Variants in SUGCT observed in about 807,000 individuals in gnomAD.
SUGCT encodes the protein succinyl-CoA:glutarate-CoA transferase, also known as succinyl-CoA:glutarate CoA-transferase.
SUGCT carries 41 observed loss-of-function variants against 55.0 expected under a neutral mutation model. The observed-to-expected ratio is 0.74, with a 90% confidence interval of 0.58 to 0.97. The LOEUF (loss-of-function observed/expected upper bound fraction) is 0.97. Among genes scored for constraint, SUGCT ranks in the 50% least tolerant of loss-of-function variants. SUGCT has a pLI of 0.00. For missense variants in SUGCT, 568 were observed against 547.8 expected, an observed-to-expected ratio of 1.04 and a Z score of -0.37; for synonymous variants, 187 against 200.4, an observed-to-expected ratio of 0.93 and a Z score of 0.56.
At chr7:40,922,685 A>G in the SUGCT span, among the ~76,000 whole-genome samples, 8,980 of 152,328 alleles carry the variant, frequency 0.059, 908 homozygotes, top group African/African-American at 0.21. Flanking sequence ...GAGAGGCCAC[A>G]TGAGCTTTGG....
chr7:40,138,406 CT>C (rs1787806904), intron 1 of SUGCT, among the ~76,000 whole-genome samples: 1 of 152,078 alleles, frequency 6.6e-6, no homozygotes, highest in African/African-American at 2.4e-5. Context: ...TTGATGGGCA[CT>C]TAGGTTGATT....
the SUGCT span, among the ~76,000 whole-genome samples, chr7:40,901,204 G>T: frequency 1.3e-3 from 200 of 152,340 alleles, no homozygotes; most frequent in Non-Finnish European, 2.4e-3. Context: ...TGGGAAAGTG[G>T]CCCAGGGATC....
intron 12 of SUGCT, among the ~76,000 whole-genome samples, chr7:40,697,031 C>T (rs1584291687): frequency 6.6e-6 from 1 of 152,086 alleles, no homozygotes; most frequent in East Asian, 1.9e-4. Context: ...CACTGCGGTA[C>T]TTTGTGCATA....
At chr7:40,522,703 C>G (rs1039041405) in intron 12 of SUGCT, among the ~76,000 whole-genome samples, 1 of 151,964 alleles carries the variant, frequency 6.6e-6, no homozygotes, top group Non-Finnish European at 1.5e-5. Flanking sequence ...CTGAGTTCTT[C>G]TTTTTCCTCT....
intron 9 of SUGCT, among the ~76,000 whole-genome samples, chr7:40,342,417 A>G (rs148849400): frequency 6.6e-6 from 1 of 152,168 alleles, no homozygotes; most frequent in Non-Finnish European, 1.5e-5. Context: ...ATCAACCATA[A>G]TATTTCCTCC....
intron 13 of SUGCT, among the ~76,000 whole-genome samples, chr7:40,813,265 T>C (rs1361653801): frequency 6.6e-6 from 1 of 152,146 alleles, no homozygotes; most frequent in African/African-American, 2.4e-5. Context: ...AATTTCTTTG[T>C]TAGTTTTCTG....
chr7:40,326,125 A>G lies in SUGCT; in HGVS notation c.816+9270A>G, dbSNP rs1489322922. Reference sequence around the variant, plus strand: ...TGACTCTTGACAAACCAATTAAAACATAATTTCTTGAGTACCCTGTGGGGT... The same window carrying G: ...TGACTCTTGACAAACCAATTAAAACGTAATTTCTTGAGTACCCTGTGGGGT... On this transcript the variant is annotated intron_variant, in intron 9 of 13. Transcript: ENST00000335693. 2.0e-5 allele frequency among the ~76,000 whole-genome samples: 3 copies of G among 152,186 alleles called. No individual in the cohort carries two copies. The East Asian group carries it at 5.8e-4, about 29-fold the overall frequency.
chr7:40,823,090 C>T (rs760574035), intron 13 of SUGCT, among the ~76,000 whole-genome samples: 4 of 152,084 alleles, frequency 2.6e-5, no homozygotes, highest in Non-Finnish European at 5.9e-5. Context: ...CTCAGGTATT[C>T]TAGAGCTTTT....
intron 12 of SUGCT, among the ~76,000 whole-genome samples, chr7:40,738,522 T>C (rs1046151956): frequency 1.3e-5 from 2 of 152,186 alleles, no homozygotes; most frequent in African/African-American, 4.8e-5. Flanking sequence ...TTGAAGAACA[T>C]ACAAACCAAA....
intron 9 of SUGCT, among the ~76,000 whole-genome samples, chr7:40,417,498 T>C (rs550384438): frequency 6.6e-6 from 1 of 152,002 alleles, no homozygotes; most frequent in Admixed American, 6.5e-5. Context: ...TCCCAAATAG[T>C]CAGCTTCATT....
intron 9 of SUGCT, among the ~76,000 whole-genome samples, chr7:40,360,988 G>A (rs1798123872): frequency 6.6e-6 from 1 of 152,144 alleles, no homozygotes; most frequent in South Asian, 2.1e-4. Context: ...CTATTAAGGA[G>A]TTATAATTGA....
At chr7:40,559,906 G>C (rs1408255302) in intron 12 of SUGCT, among the ~76,000 whole-genome samples, 1 of 152,204 alleles carries the variant, frequency 6.6e-6, no homozygotes, top group African/African-American at 2.4e-5. Context: ...AAGACAGTGC[G>C]TAAAGAGGTA....
At chr7:40,528,400 A>G (rs1427281566) in intron 12 of SUGCT, among the ~76,000 whole-genome samples, 1 of 152,188 alleles carries the variant, frequency 6.6e-6, no homozygotes, top group Non-Finnish European at 1.5e-5. Flanking sequence ...AACATTGAAT[A>G]TGTGATATTT....
chr7:40,253,839 T>C (rs1049840082), intron 7 of SUGCT, among the ~76,000 whole-genome samples: 1 of 152,256 alleles, frequency 6.6e-6, no homozygotes, highest in African/African-American at 2.4e-5. Flanking sequence ...TTAAAATAAC[T>C]AGATTCTTAG....
chr7:40,951,194 G>A, the SUGCT span, among the ~76,000 whole-genome samples: 1 of 152,110 alleles, frequency 6.6e-6, no homozygotes, highest in African/African-American at 2.4e-5. Flanking sequence ...TTGGGAGGGT[G>A]TATGTGTCGA....
At chr7:40,892,674 C>T in the SUGCT span, among the ~76,000 whole-genome samples, 1 of 152,094 alleles carries the variant, frequency 6.6e-6, no homozygotes, top group African/African-American at 2.4e-5. Context: ...GCTAAGACAG[C>T]AGGTGTGCAC....
At chr7:40,689,845 C>T (rs985129144) in intron 12 of SUGCT, among the ~76,000 whole-genome samples, 1 of 152,098 alleles carries the variant, frequency 6.6e-6, no homozygotes, top group African/African-American at 2.4e-5. Context: ...TATTATTTTA[C>T]TCAGGGTACT....
chr7:40,969,524 T>A, the SUGCT span, among the ~76,000 whole-genome samples: 2 of 152,178 alleles, frequency 1.3e-5, no homozygotes, highest in Non-Finnish European at 2.9e-5. Flanking sequence ...TATTTTATTT[T>A]TTTTTAATTT....
intron 13 of SUGCT, among the ~76,000 whole-genome samples, chr7:40,840,369 T>G (rs1305293138): frequency 6.6e-6 from 1 of 151,912 alleles, no homozygotes; most frequent in Admixed American, 6.6e-5. Flanking sequence ...TCATAGAATA[T>G]GTTCTCAGAC....
Sources: allele counts gnomAD v4.1 joint callset (sites outside exome capture counted in the v4.1 genomes callset), GRCh38; gene constraint gnomAD v4.1.1; transcripts MANE v1.5; gene names NCBI Gene and HGNC (gene_info 2026-07-23, HGNC 2026-07-21).